Variants in EIF4ENIF1 observed in about 807,000 individuals in gnomAD.
The protein encoded by EIF4ENIF1 is eukaryotic translation initiation factor 4E nuclear import factor 1.
Under a neutral mutation model 110.5 loss-of-function variants are expected in EIF4ENIF1, and 23 were observed. The ratio of observed to expected loss-of-function variants is 0.21; its 90% CI spans 0.15 to 0.29. The LOEUF (loss-of-function observed/expected upper bound fraction) is 0.29, where lower values mean the gene tolerates loss of function less well. Among genes scored for constraint, EIF4ENIF1 ranks in the 10% least tolerant of loss-of-function variants. EIF4ENIF1 has a pLI of 1.00. For synonymous variants in EIF4ENIF1, 440 were observed against 437.0 expected, an observed-to-expected ratio of 1.01 and a Z score of -0.09; for missense variants, 1,031 against 1,221.1, an observed-to-expected ratio of 0.84 and a Z score of 2.32.
At chr22:31,436,972 T>C (rs992587282), downstream of EIF4ENIF1, 1 of 152,224 alleles carries the variant, frequency 6.6e-6, no homozygotes, top group Admixed American at 6.5e-5. Flanking sequence ...GTTATCGTCA[T>C]TCTTGGTTTG....
chr22:31,463,457 T>C (rs1188424459), intron 5 of EIF4ENIF1, among the ~76,000 whole-genome samples: 1 of 151,998 alleles, frequency 6.6e-6, no homozygotes, highest in African/African-American at 2.4e-5. Flanking sequence ...GGCAGGCCGA[T>C]CACCTAAGGT....
chr22:31,483,376 T>A (rs1383713392), intron 2 of EIF4ENIF1, among the ~76,000 whole-genome samples: 1 of 151,708 alleles, frequency 6.6e-6, no homozygotes. Context: ...AATTTTTAAA[T>A]TTTTTTTGTA....
chr22:31,438,928 G>A (rs2050214126), downstream of EIF4ENIF1, among the ~76,000 whole-genome samples: 1 of 152,046 alleles, frequency 6.6e-6, no homozygotes, highest in African/African-American at 2.4e-5. Flanking sequence ...CACCATCTTG[G>A]CTAGGATGGT....
intron 1 of EIF4ENIF1, chr22:31,488,999 C>T (rs114092696): frequency 6.6e-5 from 25 of 379,030 alleles, no homozygotes; most frequent in Admixed American, 3.1e-4. Flanking sequence ...AACCTTTAAG[C>T]AGCTTTAACA....
At chr22:31,442,444 C>T (rs1290193053) in intron 16 of EIF4ENIF1, among the ~76,000 whole-genome samples, 2 of 152,162 alleles carry the variant, frequency 1.3e-5, no homozygotes, top group East Asian at 3.9e-4. Context: ...ACCACCCACC[C>T]CAAGCCTTCT....
At chr22:31,444,567 A>G in intron 15 of EIF4ENIF1, 39 bp downstream of exon 15, 1 of 1,592,702 alleles carries the variant, frequency 6.3e-7, no homozygotes, top group Non-Finnish European at 8.6e-7. Context: ...AAACAGGGAG[A>G]AGCCTTAAAG....
chr22:31,491,344 G>A (rs1166342989), upstream of EIF4ENIF1, among the ~76,000 whole-genome samples: 1 of 152,090 alleles, frequency 6.6e-6, no homozygotes, highest in Admixed American at 6.6e-5. Context: ...CTAAAGCTGT[G>A]GGAAACAGGT....
At chr22:31,480,951 T>A (rs1379361546) in intron 2 of EIF4ENIF1, among the ~76,000 whole-genome samples, 1 of 152,100 alleles carries the variant, frequency 6.6e-6, no homozygotes, top group African/African-American at 2.4e-5. Context: ...TAATCCCAAC[T>A]ACTCAGGAGG....
rs781704793 is a variant in EIF4ENIF1, at chr22:31,443,084, G to A, written c.2084C>T (p.Ser695Phe). 1 of 1,613,986 alleles carries A rather than the reference G, an allele frequency of 6.2e-7. No individual in the cohort carries two copies. Among genetic ancestry groups the A allele is most frequent in the South Asian group, 1.1e-5 (1 of 91,066 alleles). ...AASITSMLSP[S>F]FTPTSVIRKM... is the part of the protein sequence containing the mutation. ...ACGAATCACTGAGGTAGGGGTAAAG[G>A]AAGGAGAAAGCTGCAGAGAAAAACA... Residue 695 changes from serine to phenylalanine, a missense_variant, in exon 16 of 19, where the codon TCC becomes TTC. Ser to Phe is a radical substitution (Grantham distance 155). Around this residue, in one of 3 missense-constraint regions of EIF4ENIF1, gnomAD observed 704 missense variants for 879.7 expected, o/e 0.80. Coordinates refer to ENST00000330125, the MANE Select transcript of EIF4ENIF1 (RefSeq NM_019843.4).
chr22:31,444,031 C>CA (rs1266450853), intron 15 of EIF4ENIF1, among the ~76,000 whole-genome samples: 2 of 152,150 alleles, frequency 1.3e-5, no homozygotes, highest in Non-Finnish European at 2.9e-5. Context: ...CTCCTGAACT[C>CA]AAACAATCTA....
chr22:31,454,160 G>C lies in EIF4ENIF1; in HGVS notation c.1496C>G (p.Ser499Cys). Residue 499 changes from serine to cysteine, a missense_variant, in exon 10 of 19, where the codon TCT becomes TGT. Ser to Cys is a moderately radical substitution (Grantham distance 112). Transcript: ENST00000330125. The stretch of plus-strand genomic sequence containing the variant: ...GATACTTACGCTGACTTTGGGCTGA[G>C]AAGGCAAAGTCCCACTTGCCTTCAT... ...STMKASGTLP[S>C]QPKVSRNLES... The C allele has an allele frequency of 6.2e-7, 1 of 1,614,162 alleles. No homozygotes were observed. The highest frequency in any genetic ancestry group is 1.1e-5 in the South Asian group (1 of 91,088).
chr22:31,446,952 C>CA, intron 14 of EIF4ENIF1: 1 of 464,570 alleles, frequency 2.2e-6, no homozygotes, highest in Non-Finnish European at 4.4e-6. Flanking sequence ...CAGCTCTGGC[C>CA]AAAAAACTGC....
chr22:31,466,555 C>G (rs1279147242), intron 4 of EIF4ENIF1, among the ~76,000 whole-genome samples: 1 of 145,134 alleles, frequency 6.9e-6, no homozygotes, highest in African/African-American at 2.6e-5. Flanking sequence ...GTACTCCAGC[C>G]TAGGCAACAG....
chr22:31,487,087 T>G (rs991976608), intron 2 of EIF4ENIF1, among the ~76,000 whole-genome samples: 3 of 151,684 alleles, frequency 2.0e-5, no homozygotes, highest in African/African-American at 7.3e-5. Context: ...AAAAAAGTAC[T>G]GGAAGATTTT....
rs1176589257 is a variant in EIF4ENIF1 at position 31,444,611 on chromosome 22, T to C, written c.2068A>G (p.Ser690Gly). The change falls in exon 15 of 19, where the codon AGC becomes GGC. Residue 690 changes from serine to glycine, a missense_variant. Ser to Gly is a moderately conservative substitution (Grantham distance 56). This residue lies in a region of EIF4ENIF1 where 704 missense variants were observed against 879.7 expected (regional missense o/e 0.80). Transcript: ENST00000330125. Reference protein sequence around the residue: ...SSPAPAASITSMLSPSFTPTS... With the variant: ...SSPAPAASITGMLSPSFTPTS... ...AGTTACTAAAGGTCACTGACCATGCTTGTGATGGAGGCAGCAGGGGCAGGG... is the reference window on the plus strand; with the variant it reads ...AGTTACTAAAGGTCACTGACCATGCCTGTGATGGAGGCAGCAGGGGCAGGG... The C allele has an allele frequency of 6.2e-7, 1 of 1,614,032 alleles. No individual in the cohort carries two copies. The highest frequency in any genetic ancestry group is 1.1e-5 in the South Asian group (1 of 91,086).
chr22:31,448,344 A>AT (rs1297773731), intron 12 of EIF4ENIF1, 112 bp from the exon 13 acceptor site: 3 of 1,078,234 alleles, frequency 2.8e-6, no homozygotes, highest in Admixed American at 1.8e-5. Flanking sequence ...GAAAGCACTG[A>AT]TTTATTGGGC....
At chr22:31,469,207 C>T (rs940391803) in intron 3 of EIF4ENIF1, among the ~76,000 whole-genome samples, 11 of 152,132 alleles carry the variant, frequency 7.2e-5, no homozygotes, top group Admixed American at 2.0e-4. Flanking sequence ...AGTTTTGCCA[C>T]CACTACTGGG....
At chr22:31,444,541 C>T (rs2050401207) in intron 15 of EIF4ENIF1, 65 bp downstream of exon 15, 1 of 1,484,052 alleles carries the variant, frequency 6.7e-7, no homozygotes, top group Admixed American at 1.7e-5. Context: ...CACAGTGGTA[C>T]AATCCATGCA....
chr22:31,460,587 C>T (rs1308843000), intron 6 of EIF4ENIF1, among the ~76,000 whole-genome samples: 1 of 151,506 alleles, frequency 6.6e-6, no homozygotes, highest in African/African-American at 2.4e-5. Context: ...CAAGATCGCA[C>T]CACTGCACTC....
Sources: allele counts gnomAD v4.1 joint callset (sites outside exome capture counted in the v4.1 genomes callset), GRCh38; gene constraint gnomAD v4.1.1; regional missense constraint gnomAD v4.1.1; transcripts MANE v1.5; gene names NCBI Gene and HGNC (gene_info 2026-07-23, HGNC 2026-07-21).